The following INHBB variants were observed in gnomAD, a reference collection of about 807,000 sequenced individuals.
INHBB encodes inhibin beta B chain.
Under a neutral mutation model 28.9 loss-of-function variants are expected in INHBB, and 8 were observed. The ratio of observed to expected loss-of-function variants is 0.28; its 90% CI spans 0.16 to 0.50. The LOEUF is 0.50. INHBB is among the 20% of genes least tolerant of loss of function. INHBB has a pLI of 0.98. For synonymous variants in INHBB, 293 were observed against 262.7 expected (o/e 1.12, Z -1.12); for missense variants, 499 against 597.8 (o/e 0.83, Z 1.72).
At position 120,349,519 on chromosome 2, in the gene INHBB, G is replaced by A. The variant is rs1474349413; in HGVS notation, c.869G>A (p.Arg290His). 1.1e-5 allele frequency: 17 copies of A among 1,613,592 alleles called. No individual in the cohort carries two copies. The highest frequency in any genetic ancestry group is 1.4e-5 in the Non-Finnish European group (16 of 1,179,968). ...ARLGDSRHRI[R>H]KRGLECDGRT... ...CTGGGCGACAGCAGGCACCGCATTCGCAAGCGAGGCCTGGAGTGCGATGGC... is the reference window on the plus strand; with the variant it reads ...CTGGGCGACAGCAGGCACCGCATTCACAAGCGAGGCCTGGAGTGCGATGGC... The change falls in exon 2 of 2, where the codon CGC (arginine) becomes CAC (histidine). Residue 290 changes from arginine to histidine, a missense_variant. Arg to His is a conservative substitution (Grantham distance 29, BLOSUM62 0). Around this residue, in one of 2 missense-constraint regions of INHBB, gnomAD observed 114 missense variants for 182.6 expected, o/e 0.62. Coordinates refer to ENST00000295228, the MANE Select transcript of INHBB (RefSeq NM_002193.4). The surrounding 1 kb of genome is among the most constrained non-coding windows in gnomAD (Gnocchi z 5.6).
At position 120,350,157 on chromosome 2, in the gene INHBB, A is replaced by G; in HGVS notation, c.*283A>G. 2 of 431,710 alleles carry G rather than the reference A, an allele frequency of 4.6e-6. No homozygotes were observed. The highest frequency in any genetic ancestry group is 3.7e-5 in the South Asian group (1 of 27,080). The allele number at this position is 431,710 out of a possible 1,614,324, so 26.7% of individuals were successfully genotyped here. ...CCACCCACACAGCAGCCTCCAGGAT[A>G]CCAGCAAATGGATGCGGTGACAAAT... On this transcript the variant is annotated 3_prime_UTR_variant, in exon 2 of 2. Coordinates refer to ENST00000295228, the MANE Select transcript of INHBB (RefSeq NM_002193.4).
chr2:120,346,917 C>T (rs1487299816), intron 1 of INHBB, among the ~76,000 whole-genome samples: 1 of 152,230 alleles, frequency 6.6e-6, no homozygotes. Flanking sequence ...CCTCTGGGCG[C>T]GCGTCCCCCT....
intron 1 of INHBB, among the ~76,000 whole-genome samples, 178 bp downstream of exon 1, chr2:120,346,814 TC>T (rs1410504673): frequency 6.6e-6 from 1 of 152,024 alleles, no homozygotes; most frequent in Non-Finnish European, 1.5e-5. Flanking sequence ...GCAGTCCTCT[TC>T]CCCCAGGCCG....
intron 1 of INHBB, among the ~76,000 whole-genome samples, chr2:120,348,656 C>CAAAAA (rs5833831): frequency 2.7e-5 from 2 of 74,446 alleles, no homozygotes; most frequent in African/African-American, 5.3e-5. Context: ...CTAAGTTAAC[C>CAAAAA]AAAAAAAAAA....
In INHBB at chr2:120,349,184, G is replaced by A; in HGVS notation, c.534G>A (p.Leu178=). The change falls in exon 2 of 2, where the codon CTG becomes CTA. Residue 178 remains leucine, a synonymous_variant. Coordinates refer to ENST00000295228, the MANE Select transcript of INHBB (RefSeq NM_002193.4). This position sits in a 1 kb window ranked among gnomAD's most constrained non-coding sequence, Gnocchi z 5.6. The stretch of plus-strand genomic sequence containing the variant: ...ACCTGTTTGTGGTCCAGGCCAGCCT[G>A]TGGCTTTACCTGAAACTCCTGCCCT... ...NQNLFVVQAS[L]WLYLKLLPYV... is the part of the protein sequence containing the mutation. 2.5e-6 allele frequency: 4 copies of A among 1,614,172 alleles called. No individual in the cohort carries two copies. The South Asian group carries it at 4.4e-5, about 18-fold the overall frequency.
chr2:120,349,089 T>C lies in INHBB; in HGVS notation c.449-10T>C, dbSNP rs762846505. On this transcript the variant is annotated splice_polypyrimidine_tract_variant and intron_variant, in intron 1 of 1. Transcript: ENST00000295228. This position sits in a 1 kb window ranked among gnomAD's most constrained non-coding sequence, Gnocchi z 5.6. ...GAATTAACTTGGCTCGCCCTTCCCCTTTTCCGCAGATGGCCTCGCCTCCTC... is the reference window on the plus strand; with the variant it reads ...GAATTAACTTGGCTCGCCCTTCCCCCTTTCCGCAGATGGCCTCGCCTCCTC... The C allele has an allele frequency of 6.9e-6, 11 of 1,588,682 alleles. No homozygotes were observed. Among genetic ancestry groups the C allele is most frequent in the Non-Finnish European group, 6.9e-6 (8 of 1,164,700 alleles).
At position 120,349,883 on chromosome 2, in the gene INHBB, G is replaced by A; in HGVS notation, c.*9G>A. 1 of 1,600,898 alleles carries A rather than the reference G, an allele frequency of 6.2e-7. No individual in the cohort carries two copies. The highest frequency in any genetic ancestry group is 1.7e-5 in the Admixed American group (1 of 59,682). On this transcript the variant is annotated 3_prime_UTR_variant, in exon 2 of 2. Coordinates refer to ENST00000295228, the MANE Select transcript of INHBB (RefSeq NM_002193.4). This position sits in a 1 kb window ranked among gnomAD's most constrained non-coding sequence, Gnocchi z 5.6. ...AGTGCGGCTGCGCCTGACAGTGCAAGGCAGGGGCACGGTGGTGGGGCACGG... is the reference window on the plus strand; with the variant it reads ...AGTGCGGCTGCGCCTGACAGTGCAAAGCAGGGGCACGGTGGTGGGGCACGG...
chr2:120,348,991 A>G, intron 1 of INHBB, 108 bp from the exon 2 acceptor site: 1 of 1,286,824 alleles, frequency 7.8e-7, no homozygotes, highest in Non-Finnish European at 1.1e-6. Context: ...AACGTTTTCC[A>G]GCTGTGTGGC....
chr2:120,346,438 A>G lies in INHBB; in HGVS notation c.250A>G (p.Ser84Gly). ...GGAGGCGGTGAAGCGGCACATCTTG[A>G]GCCGCCTGCAGATGCGGGGCCGGCC... ...FLEAVKRHIL[S>G]RLQMRGRPNI... The change falls in exon 1 of 2, where the codon AGC (serine) becomes GGC (glycine). Residue 84 changes from serine to glycine, a missense_variant. Ser to Gly is a moderately conservative substitution (Grantham distance 56, BLOSUM62 0). Coordinates refer to ENST00000295228, the MANE Select transcript of INHBB (RefSeq NM_002193.4). 2 of 1,553,160 alleles carry G rather than the reference A, an allele frequency of 1.3e-6. No homozygotes were observed. The highest frequency in any genetic ancestry group is 1.7e-6 in the Non-Finnish European group (2 of 1,157,382).
At position 120,349,083 on chromosome 2, in the gene INHBB, T is replaced by G. The variant is rs1691211207; in HGVS notation, c.449-16T>G. ...CTCCTTGAATTAACTTGGCTCGCCC[T>G]TCCCCTTTTCCGCAGATGGCCTCGC... is the stretch of plus-strand genomic sequence containing the variant. On this transcript the variant is annotated splice_polypyrimidine_tract_variant and intron_variant, in intron 1 of 1. Coordinates refer to ENST00000295228, the MANE Select transcript of INHBB (RefSeq NM_002193.4). The surrounding 1 kb of genome is among the most constrained non-coding windows in gnomAD (Gnocchi z 5.6). 1.3e-6 allele frequency: 2 copies of G among 1,584,750 alleles called. No homozygotes were observed. Among genetic ancestry groups the G allele is most frequent in the Non-Finnish European group, 1.7e-6 (2 of 1,162,574 alleles).
At chr2:120,347,609 G>T (rs1691182861) in intron 1 of INHBB, among the ~76,000 whole-genome samples, 1 of 152,222 alleles carries the variant, frequency 6.6e-6, no homozygotes, top group East Asian at 1.9e-4. Context: ...CGAGGGGACT[G>T]CGGAGAAGGT....
In INHBB at chr2:120,346,156, C is replaced by A. The variant is rs1268761101; in HGVS notation, c.-33C>A. The A allele has an allele frequency of 9.1e-7, 1 of 1,100,912 alleles. No individual in the cohort carries two copies. Among genetic ancestry groups the A allele is most frequent in the Non-Finnish European group, 1.1e-6 (1 of 907,062 alleles). 68.2% of individuals were successfully genotyped at this position (1,100,912 alleles called of 1,614,324 possible). A position where few individuals can be genotyped will look rare whatever the true frequency, so the allele number is the denominator to read the frequency against. On this transcript the variant is annotated 5_prime_UTR_variant, in exon 1 of 2. Coordinates refer to ENST00000295228, the MANE Select transcript of INHBB (RefSeq NM_002193.4). ...GCGCTCGGCTCGACTCGGCTCGCCT[C>A]GCGGCGGGCGCCCTCGTCGCCAGCG...
Position 120,348,960 on chromosome 2 carries a change from A to C in INHBB, c.449-139A>C, listed in dbSNP as rs987053334. ...GTTACAGTCAGAGGCCCTGGCCCCA[A>C]GAATGGTATTTCTGGTCAGTAACGT... On this transcript the variant is annotated intron_variant, in intron 1 of 1. Coordinates refer to ENST00000295228, the MANE Select transcript of INHBB (RefSeq NM_002193.4). The C allele has an allele frequency of 6.9e-6, 7 of 1,012,606 alleles. No homozygotes were observed. In the African/African-American group the frequency reaches 1.1e-4, roughly 16 times the overall value. The allele number at this position is 1,012,606 out of a possible 1,614,324, so 62.7% of individuals were successfully genotyped here.
Position 120,349,345 on chromosome 2 carries a change from C to A in INHBB, c.695C>A (p.Thr232Lys). 1 of 1,614,096 alleles carries A rather than the reference C, an allele frequency of 6.2e-7. No individual in the cohort carries two copies. Among genetic ancestry groups the A allele is most frequent in the Non-Finnish European group, 8.5e-7 (1 of 1,180,018 alleles). The change falls in exon 2 of 2, where the codon ACG (threonine) becomes AAG (lysine). Residue 232 changes from threonine (T) to lysine (K), a missense_variant. Physicochemically the swap from Thr to Lys is moderately conservative, Grantham distance 78 (BLOSUM62 -1). This residue lies in a region of INHBB where 385 missense variants were observed against 415.2 expected (regional missense o/e 0.93). Coordinates refer to ENST00000295228, the MANE Select transcript of INHBB (RefSeq NM_002193.4). This position sits in a 1 kb window ranked among gnomAD's most constrained non-coding sequence, Gnocchi z 5.6. ...AGCGGCTGGCATACCTTCCCACTCA[C>A]GGAGGCCATCCAGGCCTTGTTTGAG... is the stretch of plus-strand genomic sequence containing the variant. ...KRSGWHTFPL[T>K]EAIQALFERG... is the part of the protein sequence containing the mutation.
At position 120,350,128 on chromosome 2, in the gene INHBB, C is replaced by G; in HGVS notation, c.*254C>G. On this transcript the variant is annotated 3_prime_UTR_variant, in exon 2 of 2. Transcript: ENST00000295228. ...CGTAGCCACGCACAGCCAGACGCAT[C>G]CTGCCACCCACACAGCAGCCTCCAG... The G allele has an allele frequency of 2.0e-6, 1 of 492,590 alleles. No homozygotes were observed. Among genetic ancestry groups the G allele is most frequent in the Non-Finnish European group, 3.6e-6 (1 of 276,682 alleles). The allele number at this position is 492,590 out of a possible 1,614,324, so 30.5% of individuals were successfully genotyped here.
At chr2:120,347,524 TC>T (rs1364005479) in intron 1 of INHBB, among the ~76,000 whole-genome samples, 1 of 152,218 alleles carries the variant, frequency 6.6e-6, no homozygotes, top group Admixed American at 6.5e-5. Flanking sequence ...GCAAGTGCTT[TC>T]GACTCCGCTG....
intron 1 of INHBB, among the ~76,000 whole-genome samples, chr2:120,348,194 CCA>C: frequency 7.6e-6 from 1 of 131,650 alleles, no homozygotes; most frequent in East Asian, 2.5e-4. Context: ...CCAGCCCTGA[CCA>C]CAGAGTTTCA....
rs1691156817 is a variant in INHBB at position 120,346,559 on chromosome 2, C to G, written c.371C>G (p.Pro124Arg). 6.7e-7 allele frequency: 1 copy of G among 1,496,622 alleles called. No homozygotes were observed. Among genetic ancestry groups the G allele is most frequent in the Non-Finnish European group, 8.8e-7 (1 of 1,130,038 alleles). 92.7% of individuals were successfully genotyped at this position (1,496,622 alleles called of 1,614,324 possible). Residue 124 changes from proline to arginine, a missense_variant, in exon 1 of 2, where the codon CCG becomes CGG. This residue lies in a region of INHBB where 385 missense variants were observed against 415.2 expected (regional missense o/e 0.93). Transcript: ENST00000295228. Reference sequence around the variant, plus strand: ...CGCGAGGACGGCCGCGTGGAGATCCCGCACCTCGACGGCCACGCCAGCCCG... The same window carrying G: ...CGCGAGGACGGCCGCGTGGAGATCCGGCACCTCGACGGCCACGCCAGCCCG... ...KVREDGRVEI[P>R]HLDGHASPGA...
In INHBB at chr2:120,349,919, C is replaced by A; in HGVS notation, c.*45C>A. 1 of 1,567,366 alleles carries A rather than the reference C, an allele frequency of 6.4e-7. No homozygotes were observed. The highest frequency in any genetic ancestry group is 8.7e-7 in the Non-Finnish European group (1 of 1,152,846). ...GGTGGTGGGGCACGGAGGGCAGTCC[C>A]GGGTGGGCTTCTTCCAGCCCCCGCG... On this transcript the variant is annotated 3_prime_UTR_variant, in exon 2 of 2. Coordinates refer to ENST00000295228, the MANE Select transcript of INHBB (RefSeq NM_002193.4). This position sits in a 1 kb window ranked among gnomAD's most constrained non-coding sequence, Gnocchi z 5.6.
Sources: gnomAD v4.1 joint callset for allele counts (sites outside exome capture counted in the v4.1 genomes callset) on GRCh38, gnomAD v4.1.1 for gene constraint, gnomAD v4.1.1 regional missense constraint, Gnocchi (gnomAD v3.1) non-coding constraint, MANE v1.5 for transcripts, NCBI Gene and HGNC (gene_info 2026-07-23, HGNC 2026-07-21) for gene names.